Variants in OPCML observed in about 807,000 individuals in gnomAD.
OPCML encodes the protein opioid binding protein/cell adhesion molecule like.
A neutral mutation model predicts 37.8 loss-of-function variants in OPCML; 13 were observed. The ratio of observed to expected loss-of-function variants is 0.34; its 90% CI spans 0.22 to 0.55. The LOEUF is 0.55. Ranked by LOEUF, OPCML falls within the 20% of genes least tolerant of loss-of-function variation. The probability of loss-of-function intolerance (pLI) is 0.91; values close to 1 mark genes in which losing one functional copy is unlikely to be tolerated. For missense variants in OPCML, 341 were observed against 435.6 expected (o/e 0.78, Z 1.93); for synonymous variants, 176 against 168.8 (o/e 1.04, Z -0.33).
chr11:133,267,173 C>T (rs1010982636), intron 1 of OPCML, among the ~76,000 whole-genome samples: 2 of 152,184 alleles, frequency 1.3e-5, no homozygotes, highest in East Asian at 3.9e-4. Context: ...GACCTTGGCT[C>T]CAATCCCAGC....
intron 1 of OPCML, among the ~76,000 whole-genome samples, chr11:133,157,653 G>A (rs930254154): frequency 1.3e-5 from 2 of 152,058 alleles, no homozygotes; most frequent in African/African-American, 2.4e-5. Context: ...GCTCACGGAG[G>A]GATAAAGGAA....
intron 2 of OPCML, among the ~76,000 whole-genome samples, chr11:132,890,856 C>CAAAA (rs57246769): frequency 4.3e-5 from 2 of 46,470 alleles, no homozygotes; most frequent in African/African-American, 6.5e-5. Context: ...GACTCCATCT[C>CAAAA]AAAAAAAAAA....
chr11:132,536,743 G>T (rs2096341878), intron 3 of OPCML, among the ~76,000 whole-genome samples: 1 of 152,098 alleles, frequency 6.6e-6, no homozygotes, highest in African/African-American at 2.4e-5. Flanking sequence ...AGCAAATTGA[G>T]AATTATGGCA....
At chr11:132,729,491 G>T (rs1025883481) in intron 2 of OPCML, among the ~76,000 whole-genome samples, 2 of 152,174 alleles carry the variant, frequency 1.3e-5, no homozygotes, top group African/African-American at 4.8e-5. Flanking sequence ...AATGCCAAAA[G>T]ATCCTTAATG....
At chr11:133,310,808 C>T (rs1943051404) in intron 1 of OPCML, among the ~76,000 whole-genome samples, 1 of 152,202 alleles carries the variant, frequency 6.6e-6, no homozygotes, top group Admixed American at 6.5e-5. Flanking sequence ...AGTCCTCACA[C>T]AATGTGGAGT....
At chr11:132,989,305 G>A (rs527983482) in intron 1 of OPCML, among the ~76,000 whole-genome samples, 16 of 151,916 alleles carry the variant, frequency 1.1e-4, no homozygotes, top group Non-Finnish European at 1.9e-4. Flanking sequence ...TTCCACCAAC[G>A]CAAATGAACC....
chr11:133,369,068 C>A (rs780803988), intron 1 of OPCML, among the ~76,000 whole-genome samples: 7 of 152,202 alleles, frequency 4.6e-5, no homozygotes, highest in Non-Finnish European at 7.3e-5. Context: ...AACATTCAAA[C>A]CAACCAGATT....
chr11:132,527,796 G>T (rs765891432), intron 4 of OPCML, among the ~76,000 whole-genome samples: 1 of 152,056 alleles, frequency 6.6e-6, no homozygotes, highest in African/African-American at 2.4e-5. Context: ...TCTTTACAGA[G>T]GTAATCAAGT....
chr11:132,603,785 C>G (rs894010592), intron 3 of OPCML, among the ~76,000 whole-genome samples: 1 of 152,184 alleles, frequency 6.6e-6, no homozygotes, highest in Admixed American at 6.5e-5. Context: ...TGAAGGTGCT[C>G]TCACATTTCT....
intron 7 of OPCML, among the ~76,000 whole-genome samples, chr11:132,432,358 A>G (rs984233048): frequency 2.0e-5 from 3 of 152,196 alleles, no homozygotes; most frequent in Non-Finnish European, 4.4e-5. Flanking sequence ...GAGCAGGTCA[A>G]CCAGACACTA....
chr11:132,514,470 G>A (rs749775462), intron 4 of OPCML, among the ~76,000 whole-genome samples: 5 of 152,144 alleles, frequency 3.3e-5, no homozygotes, highest in Admixed American at 6.5e-5. Context: ...GGATAAGGAT[G>A]TACAGTCAAG....
chr11:133,121,557 G>A (rs547793346), intron 1 of OPCML, among the ~76,000 whole-genome samples: 35 of 152,280 alleles, frequency 2.3e-4, no homozygotes, highest in Middle Eastern at 3.4e-3. Flanking sequence ...ATCCTGGGCC[G>A]AGGGTCAACA....
In OPCML at chr11:132,632,083, G is replaced by C. The variant is rs558833682; in HGVS notation, c.379+25004C>G. On this transcript the variant is annotated intron_variant, in intron 3 of 7. Coordinates refer to ENST00000524381, the MANE Select transcript of OPCML (RefSeq NM_001012393.5). ...TGGGCTGTTAAAATGGTTTCTGCCT[G>C]AAAGAGTCCCTCCTGTAAACATCCC... Among the ~76,000 whole-genome samples, 304 of 151,130 alleles carry C rather than the reference G, an allele frequency of 2.0e-3. 1 individual carries two copies. The highest frequency in any genetic ancestry group is 7.7e-3 in the South Asian group (37 of 4,796).
At chr11:132,615,675 G>A (rs1036443844) in intron 3 of OPCML, among the ~76,000 whole-genome samples, 2 of 152,126 alleles carry the variant, frequency 1.3e-5, no homozygotes, top group Non-Finnish European at 2.9e-5. Flanking sequence ...TAAGGTATTT[G>A]AGCATCTGCT....
intron 1 of OPCML, among the ~76,000 whole-genome samples, chr11:132,946,598 C>T (rs568654183): frequency 2.0e-4 from 30 of 152,238 alleles, no homozygotes; most frequent in South Asian, 4.2e-4. Context: ...GTCATATATG[C>T]GGCCTGTCAT....
At chr11:132,807,416 G>A (rs931342789) in intron 2 of OPCML, among the ~76,000 whole-genome samples, 1 of 152,108 alleles carries the variant, frequency 6.6e-6, no homozygotes, top group Non-Finnish European at 1.5e-5. Context: ...TGACAACTCT[G>A]ATATTACTAA....
chr11:132,679,764 C>A (rs1942860286), intron 2 of OPCML, among the ~76,000 whole-genome samples: 1 of 152,098 alleles, frequency 6.6e-6, no homozygotes, highest in African/African-American at 2.4e-5. Flanking sequence ...AATTATATCA[C>A]AATAAAACTG....
In OPCML at chr11:132,450,257, G is replaced by A. The variant is rs117405641; in HGVS notation, c.506-12898C>T. Among the ~76,000 whole-genome samples the A allele has an allele frequency of 1.2e-4, 18 of 152,280 alleles. No homozygotes were observed. The East Asian group carries it at 3.1e-3, about 26-fold the overall frequency. On this transcript the variant is annotated intron_variant, in intron 4 of 7. Transcript: ENST00000524381. ...AAATTAGTTTATCAGTTTTGTTTTTGTTGCCTTAGGAAGCATGGAGCCTCC... is the reference window on the plus strand; with the variant it reads ...AAATTAGTTTATCAGTTTTGTTTTTATTGCCTTAGGAAGCATGGAGCCTCC...
chr11:133,370,975 AAAAC>A (rs367659434), intron 1 of OPCML, among the ~76,000 whole-genome samples: 111 of 152,194 alleles, frequency 7.3e-4, no homozygotes, highest in Middle Eastern at 6.8e-3. Flanking sequence ...ATTCAGCGGC[AAAAC>A]AAACAAAATC....
Sources: allele counts gnomAD v4.1 joint callset (sites outside exome capture counted in the v4.1 genomes callset), GRCh38; gene constraint gnomAD v4.1.1; transcripts MANE v1.5; gene names NCBI Gene and HGNC (gene_info 2026-07-23, HGNC 2026-07-21).